Variants in HIGD1A observed in about 807,000 individuals in gnomAD.
HIGD1A encodes HIG1 hypoxia inducible domain family member 1A.
Under a neutral mutation model 11.3 loss-of-function variants are expected in HIGD1A, and 8 were observed. That is an observed-to-expected ratio of 0.71 (90% CI 0.42 to 1.28). HIGD1A has a LOEUF of 1.28. Ranked by LOEUF, HIGD1A falls within the 50% of genes most tolerant of loss-of-function variation. The probability of loss-of-function intolerance (pLI) is 0.01; values close to 1 mark genes in which losing one functional copy is unlikely to be tolerated. For missense variants in HIGD1A, 107 were observed against 118.8 expected (o/e 0.90, Z 0.46); for synonymous variants, 32 against 38.4 (o/e 0.83, Z 0.62).
chr3:42,791,322 T>C (rs1281030231), intron 2 of HIGD1A, among the ~76,000 whole-genome samples: 1 of 152,144 alleles, frequency 6.6e-6, no homozygotes, highest in Non-Finnish European at 1.5e-5. Flanking sequence ...AATCCCAGGA[T>C]CATGAAGGCC....
rs1289972440 is a variant in HIGD1A at position 42,783,746 on chromosome 3, T to C, written c.*1525A>G. On this transcript the variant is annotated 3_prime_UTR_variant, in exon 4 of 4. Transcript: ENST00000321331. ...CTTAAATATTGCTCAAAAGGAATTA[T>C]TGGTGACTGAAAATAAATAGAAGAG... 6.6e-6 allele frequency among the ~76,000 whole-genome samples: 1 copy of C among 152,098 alleles called. No individual in the cohort carries two copies. The highest frequency in any genetic ancestry group is 6.6e-5 in the Admixed American group (1 of 15,266).
rs777763988 is a variant in HIGD1A at position 42,794,275 on chromosome 3, C to T, written c.-22G>A. 2.6e-6 allele frequency: 4 copies of T among 1,561,188 alleles called. No individual in the cohort carries two copies. In the East Asian group the frequency reaches 7.2e-5, roughly 28 times the overall value. ...ACATAGTGATTGCTTGAAGAATCTC[C>T]CTGAGAAAGAATTTCTATGAGGTTC... On this transcript the variant is annotated splice_region_variant and 5_prime_UTR_variant, in exon 2 of 4. Coordinates refer to ENST00000321331, the MANE Select transcript of HIGD1A (RefSeq NM_014056.4).
chr3:42,790,573 A>C (rs1195125289), intron 2 of HIGD1A, among the ~76,000 whole-genome samples: 1 of 152,210 alleles, frequency 6.6e-6, no homozygotes, highest in African/African-American at 2.4e-5. Flanking sequence ...ATAAGAAAAA[A>C]GATTACTTTG....
intron 2 of HIGD1A, among the ~76,000 whole-genome samples, chr3:42,791,144 G>A (rs1700417448): frequency 6.6e-6 from 1 of 152,148 alleles, no homozygotes; most frequent in Non-Finnish European, 1.5e-5. Context: ...TTTCAAATAA[G>A]TGGAAAAAGA....
At position 42,804,430 on chromosome 3, in the gene HIGD1A, GCTTACCTAGAGCGAGA is replaced by G. The variant is rs1700610019; in HGVS notation, c.-33_-23+5del. 2.0e-6 allele frequency: 1 copy of G among 489,058 alleles called. No individual in the cohort carries two copies. Among genetic ancestry groups the G allele is most frequent in the Non-Finnish European group, 3.6e-6 (1 of 276,224 alleles). The allele number at this position is 489,058 out of a possible 1,614,324, so 30.3% of individuals were successfully genotyped here. A position where few individuals can be genotyped will look rare whatever the true frequency, so the allele number is the denominator to read the frequency against. ...GGCTCGCAGTCCCCCGGCTTGTTTC[GCTTACCTAGAGCGAGA>G]AAACCTCTCACACCCCAACCGGCTT... On this transcript the variant is annotated splice_donor_variant and splice_donor_5th_base_variant and 5_prime_UTR_variant and intron_variant, in exon 1 of 4. Transcript: ENST00000321331. LOFTEE classifies it low-confidence loss of function (5UTR_SPLICE).
chr3:42,792,132 A>T (rs1297823979), intron 2 of HIGD1A, among the ~76,000 whole-genome samples: 1 of 152,182 alleles, frequency 6.6e-6, no homozygotes, highest in Non-Finnish European at 1.5e-5. Context: ...CAGAGTCGGG[A>T]TCATAGGACA....
intron 2 of HIGD1A, among the ~76,000 whole-genome samples, chr3:42,788,159 G>C (rs891031093): frequency 3.9e-5 from 6 of 152,122 alleles, no homozygotes; most frequent in Non-Finnish European, 8.8e-5. Flanking sequence ...AAATAAAATT[G>C]TAAAACCTCT....
chr3:42,804,289 G>C, intron 1 of HIGD1A, 147 bp downstream of exon 1: 1 of 1,235,492 alleles, frequency 8.1e-7, no homozygotes, highest in Non-Finnish European at 1.1e-6. Context: ...CTGAGCCCCG[G>C]CAACTCCACC....
intron 1 of HIGD1A, among the ~76,000 whole-genome samples, chr3:42,796,426 T>C (rs928369570): frequency 7.4e-6 from 1 of 135,396 alleles, no homozygotes; most frequent in Non-Finnish European, 1.6e-5. Flanking sequence ...CGTTCAAAAA[T>C]TAGTTGTTGT....
intron 2 of HIGD1A, among the ~76,000 whole-genome samples, chr3:42,792,775 T>G (rs1331129757): frequency 6.7e-6 from 1 of 149,810 alleles, no homozygotes; most frequent in African/African-American, 2.5e-5. Context: ...AGATCAGGAG[T>G]TCGAGACCAG....
At chr3:42,789,038 ATTTTTTT>A (rs35390450) in intron 2 of HIGD1A, among the ~76,000 whole-genome samples, 3 of 113,948 alleles carry the variant, frequency 2.6e-5, no homozygotes, top group Non-Finnish European at 3.4e-5. Context: ...TACTTTGGGA[ATTTTTTT>A]TTTTTTTTTT....
At chr3:42,801,024 G>GT (rs1481578362) in intron 1 of HIGD1A, among the ~76,000 whole-genome samples, 3 of 152,070 alleles carry the variant, frequency 2.0e-5, no homozygotes, top group South Asian at 2.1e-4. Context: ...CTTCTCAGAG[G>GT]TTTTTTACTA....
At position 42,786,264 on chromosome 3, in the gene HIGD1A, T is replaced by C. The variant is rs1001246024; in HGVS notation, c.98-102A>G. Reference sequence around the variant, plus strand: ...CTATTATTTTTATGAGGATTCTTTATCAGATCATTAATTAGCTAACATACA... The same window carrying C: ...CTATTATTTTTATGAGGATTCTTTACCAGATCATTAATTAGCTAACATACA... On this transcript the variant is annotated intron_variant, in intron 2 of 3. Transcript: ENST00000321331. 1.1e-5 allele frequency: 15 copies of C among 1,329,710 alleles called. No homozygotes were observed. The African/African-American group carries it at 1.2e-4, about 11-fold the overall frequency. The allele number at this position is 1,329,710 out of a possible 1,614,324, so 82.4% of individuals were successfully genotyped here. A position where few individuals can be genotyped will look rare whatever the true frequency, so the allele number is the denominator to read the frequency against.
intron 2 of HIGD1A, among the ~76,000 whole-genome samples, chr3:42,786,562 A>G (rs1700354302): frequency 6.6e-6 from 1 of 152,138 alleles, no homozygotes; most frequent in South Asian, 2.1e-4. Flanking sequence ...ACCAGAGACA[A>G]TCCTACACAC....
chr3:42,785,360 C>A (rs1026986519), intron 3 of HIGD1A, 40 bp from the exon 4 acceptor site: 3 of 1,530,200 alleles, frequency 2.0e-6, no homozygotes, highest in East Asian at 4.5e-5. Flanking sequence ...TCAGTATTTT[C>A]TTAAATATTC....
intron 2 of HIGD1A, among the ~76,000 whole-genome samples, chr3:42,786,691 A>AAT (rs1401959207): frequency 1.3e-5 from 2 of 152,266 alleles, no homozygotes; most frequent in East Asian, 1.9e-4. Context: ...TTATGATCCT[A>AAT]GAGTTCTATA....
intron 2 of HIGD1A, among the ~76,000 whole-genome samples, chr3:42,792,979 T>C (rs574109553): frequency 6.7e-6 from 1 of 149,592 alleles, no homozygotes; most frequent in Non-Finnish European, 1.5e-5. Context: ...TGAAACTCCT[T>C]CTCGGAAAAA....
intron 2 of HIGD1A, among the ~76,000 whole-genome samples, chr3:42,786,724 T>C (rs1293264045): frequency 6.6e-6 from 1 of 152,232 alleles, no homozygotes; most frequent in Non-Finnish European, 1.5e-5. Flanking sequence ...CTCATTCATT[T>C]TGAGGGCAAA....
intron 1 of HIGD1A, among the ~76,000 whole-genome samples, chr3:42,802,475 A>G (rs1397785169): frequency 6.6e-6 from 1 of 152,234 alleles, no homozygotes; most frequent in Non-Finnish European, 1.5e-5. Context: ...CATATCAGTT[A>G]TTTGTTATTC....
Sources: gnomAD v4.1 joint callset for allele counts (sites outside exome capture counted in the v4.1 genomes callset) on GRCh38, gnomAD v4.1.1 for gene constraint, MANE v1.5 for transcripts, NCBI Gene and HGNC (gene_info 2026-07-23, HGNC 2026-07-21) for gene names.